TRPC3: variants seen among roughly 807,000 people sequenced by gnomAD.
TRPC3 encodes short transient receptor potential channel 3.
In TRPC3, 54 loss-of-function variants were observed where a neutral mutation model predicts 90.9. The observed-to-expected ratio is 0.59, with a 90% confidence interval of 0.48 to 0.75. TRPC3 has a LOEUF of 0.75. Among genes scored for constraint, TRPC3 ranks in the 30% least tolerant of loss-of-function variants. The pLI is 0.00. For missense variants in TRPC3, 918 were observed against 1,194.5 expected (o/e 0.77, Z 3.41); for synonymous variants, 424 against 450.9 (o/e 0.94, Z 0.75).
chr4:121,902,953 A>T lies in TRPC3; in HGVS notation c.2362T>A (p.Ser788Thr). The T allele has an allele frequency of 1.2e-6, 2 of 1,613,534 alleles. No homozygotes were observed. Among genetic ancestry groups the T allele is most frequent in the Non-Finnish European group, 1.7e-6 (2 of 1,179,770 alleles). Residue 788 changes from serine to threonine, a missense_variant, in exon 9 of 12, where the codon TCA becomes ACA. By Grantham distance (58) the Ser-to-Thr change is moderately conservative. Coordinates refer to ENST00000379645, the MANE Select transcript of TRPC3 (RefSeq NM_001130698.2). Reference protein sequence around the residue: ...PPFSLVPSPKSFVYFIMRIVN... With the variant: ...PPFSLVPSPKTFVYFIMRIVN... ...ATTCGCATGATGAAATAAACAAATGATTTTGGACTAGGAACTAGACTGAAA... is the reference window on the plus strand; with the variant it reads ...ATTCGCATGATGAAATAAACAAATGTTTTTGGACTAGGAACTAGACTGAAA...
chr4:121,922,003 CCG>C (rs2149134105), intron 3 of TRPC3, among the ~76,000 whole-genome samples: 1 of 150,452 alleles, frequency 6.6e-6, no homozygotes, highest in East Asian at 2.0e-4. Context: ...ACTACAAGCT[CCG>C]CCTTCCGGGT....
At chr4:121,882,556 T>C in intron 10 of TRPC3, 127 bp from the exon 11 acceptor site, 1 of 663,728 alleles carries the variant, frequency 1.5e-6, no homozygotes, top group East Asian at 3.2e-5. Flanking sequence ...TATAACTATG[T>C]ATAGAAAAAT....
At chr4:121,945,947 A>C (rs1730472682) in intron 1 of TRPC3, among the ~76,000 whole-genome samples, 1 of 152,250 alleles carries the variant, frequency 6.6e-6, no homozygotes, top group South Asian at 2.1e-4. Flanking sequence ...GACAAGAAAG[A>C]GCTCTTAGAA....
intron 1 of TRPC3, among the ~76,000 whole-genome samples, chr4:121,950,237 G>C (rs1454774174): frequency 6.6e-6 from 1 of 152,164 alleles, no homozygotes; most frequent in Non-Finnish European, 1.5e-5. Context: ...GTGTTCTACC[G>C]GCAGGTCCAG....
At chr4:121,896,820 A>G (rs1728531055) in intron 10 of TRPC3, among the ~76,000 whole-genome samples, 1 of 152,148 alleles carries the variant, frequency 6.6e-6, no homozygotes. Context: ...ATCATAAAAG[A>G]CCCCAAATAG....
Position 121,879,563 on chromosome 4 carries a change from A to G in TRPC3, c.*173T>C, listed in dbSNP as rs1727871307. ...TGTAATGTCAAAGCAGACAAATAAAATGCATTTTCATGTGATAAAACAATA... is the reference window on the plus strand; with the variant it reads ...TGTAATGTCAAAGCAGACAAATAAAGTGCATTTTCATGTGATAAAACAATA... On this transcript the variant is annotated 3_prime_UTR_variant, in exon 12 of 12. Transcript: ENST00000379645. 1 of 652,222 alleles carries G rather than the reference A, an allele frequency of 1.5e-6. No individual in the cohort carries two copies. The highest frequency in any genetic ancestry group is 3.3e-5 in the East Asian group (1 of 30,470). The allele number at this position is 652,222 out of a possible 1,614,324, so 40.4% of individuals were successfully genotyped here.
chr4:121,920,975 T>G (rs1729480953), intron 3 of TRPC3, among the ~76,000 whole-genome samples: 1 of 152,258 alleles, frequency 6.6e-6, no homozygotes. Context: ...TTTGCATTTT[T>G]GCTTGGAGAT....
At chr4:121,883,192 C>A (rs7437139) in intron 10 of TRPC3, among the ~76,000 whole-genome samples, 1 of 151,766 alleles carries the variant, frequency 6.6e-6, no homozygotes, top group African/African-American at 2.4e-5. Flanking sequence ...CTTAAAAGAA[C>A]GTATTATATA....
chr4:121,921,112 T>C (rs4292355), intron 3 of TRPC3, among the ~76,000 whole-genome samples: 100,657 of 152,002 alleles, frequency 0.66, 33,421 homozygotes, highest in East Asian at 0.8. Context: ...GTAAGGCCTG[T>C]GTTGAACTCA....
intron 4 of TRPC3, among the ~76,000 whole-genome samples, chr4:121,913,911 T>C (rs1234697733): frequency 6.6e-6 from 1 of 152,212 alleles, no homozygotes; most frequent in Non-Finnish European, 1.5e-5. Flanking sequence ...AGAGAGATGA[T>C]AGATTTCCAG....
rs369872151 is a variant in TRPC3, at chr4:121,910,268, T to A, written c.1678A>T (p.Arg560Ter). The A allele has an allele frequency of 1.9e-6, 3 of 1,613,746 alleles. No individual in the cohort carries two copies. The African/African-American group carries it at 4.0e-5, about 22-fold the overall frequency. The change falls in exon 6 of 12, where the codon AGA becomes TGA. Residue 560 changes from arginine (R) to a stop codon, truncating the protein, a stop_gained. Transcript: ENST00000379645. LOFTEE classifies it high-confidence loss of function. ...GTTGCCTGAAGGAAAGCTAGGAATC[T>A]GGCTGTGAAAGCAGCAATGAAGATG... is the stretch of plus-strand genomic sequence containing the variant. ...LSIFIAAFTA[R>*]FLAFLQATKA...
At chr4:121,941,880 A>C (rs534307805) in intron 1 of TRPC3, among the ~76,000 whole-genome samples, 1 of 152,308 alleles carries the variant, frequency 6.6e-6, no homozygotes, top group East Asian at 1.9e-4. Context: ...GTAGCCATTA[A>C]GTACACCAGC....
intron 10 of TRPC3, among the ~76,000 whole-genome samples, chr4:121,888,194 G>A (rs1385504694): frequency 1.3e-5 from 2 of 152,048 alleles, no homozygotes; most frequent in East Asian, 3.9e-4. Flanking sequence ...TTCCGCTGTG[G>A]CCCCTTGGGG....
chr4:121,935,554 T>C (rs890271018), intron 1 of TRPC3, among the ~76,000 whole-genome samples: 1 of 152,188 alleles, frequency 6.6e-6, no homozygotes, highest in African/African-American at 2.4e-5. Flanking sequence ...GTAAATATTA[T>C]AGTAATAAGT....
chr4:121,921,909 GT>G (rs1201010547), intron 3 of TRPC3, among the ~76,000 whole-genome samples: 7 of 119,600 alleles, frequency 5.9e-5, no homozygotes, highest in East Asian at 2.5e-4. Flanking sequence ...TGTTTTTTGG[GT>G]TTTTTTTTGT....
rs1727798269 is a variant in TRPC3 at position 121,877,582 on chromosome 4, C to A, written c.*2154G>T. Among the ~76,000 whole-genome samples the A allele has an allele frequency of 6.6e-6, 1 of 152,058 alleles. No homozygotes were observed. Among genetic ancestry groups the A allele is most frequent in the South Asian group, 2.1e-4 (1 of 4,824 alleles). On this transcript the variant is annotated 3_prime_UTR_variant, in exon 12 of 12. Transcript: ENST00000379645. ...GAATCTGGGAGACAGGTGCACTGGT[C>A]CAGTAGAGGGCATCTGGGCAGGGCA...
chr4:121,907,470 G>T lies in TRPC3; in HGVS notation c.1890C>A (p.Leu630=). ...VLSFSRIAYI[L]PANESFGPLQ... ...GGGGGCCAAAGCTCTCATTTGCAGGGAGGATGTACGCAATCCGAGAGAAGC... is the reference window on the plus strand; with the variant it reads ...GGGGGCCAAAGCTCTCATTTGCAGGTAGGATGTACGCAATCCGAGAGAAGC... The change falls in exon 7 of 12, where the codon CTC becomes CTA. Residue 630 remains leucine, a synonymous_variant. Coordinates refer to ENST00000379645, the MANE Select transcript of TRPC3 (RefSeq NM_001130698.2). 6.2e-7 allele frequency: 1 copy of T among 1,613,404 alleles called. No individual in the cohort carries two copies. Among genetic ancestry groups the T allele is most frequent in the Admixed American group, 1.7e-5 (1 of 59,948 alleles).
Position 121,910,227 on chromosome 4 carries a change from A to G in TRPC3, c.1719T>C (p.Tyr573=), listed in dbSNP as rs556308930. Residue 573 remains tyrosine, a synonymous_variant, in exon 6 of 12, where the codon TAT becomes TAC. Transcript: ENST00000379645. ...AFLQATKAQQ[Y]VDSYVQESDL... ...CACTCTCTTGGACGTAACTGTCCAC[A>G]TACTGTTGTGCCTTCGTTGCCTGAA... 4.5e-5 allele frequency: 73 copies of G among 1,613,846 alleles called. No individual in the cohort carries two copies. Among genetic ancestry groups the G allele is most frequent in the Non-Finnish European group, 5.8e-5 (69 of 1,179,800 alleles).
chr4:121,884,653 A>G (rs1728049064), intron 10 of TRPC3, among the ~76,000 whole-genome samples: 1 of 152,330 alleles, frequency 6.6e-6, no homozygotes, highest in African/African-American at 2.4e-5. Flanking sequence ...TATGCAGAGA[A>G]TAACAACAGA....
Sources: allele counts gnomAD v4.1 joint callset (sites outside exome capture counted in the v4.1 genomes callset), GRCh38; gene constraint gnomAD v4.1.1; transcripts MANE v1.5; gene names NCBI Gene and HGNC (gene_info 2026-07-23, HGNC 2026-07-21).